Variants in REC114 observed in about 807,000 individuals in gnomAD.
REC114 encodes the protein meiotic recombination protein REC114.
REC114 carries 27 observed loss-of-function variants against 31.3 expected under a neutral mutation model. The ratio of observed to expected loss-of-function variants is 0.86; its 90% CI spans 0.64 to 1.19. REC114 has a LOEUF of 1.19. Among genes scored for constraint, REC114 ranks in the 50% most tolerant of loss-of-function variants. The pLI is 0.00. For synonymous variants in REC114, 134 were observed against 127.7 expected (o/e 1.05, Z -0.33); for missense variants, 344 against 326.9 (o/e 1.05, Z -0.40).
intron 1 of REC114, among the ~76,000 whole-genome samples, chr15:73,470,313 T>A (rs1211600130): frequency 6.6e-6 from 1 of 152,236 alleles, no homozygotes; most frequent in Non-Finnish European, 1.5e-5. Flanking sequence ...GTAAAATTTT[T>A]ATGCATTTGC....
At chr15:73,485,934 C>T (rs1893358806) in intron 2 of REC114, among the ~76,000 whole-genome samples, 1 of 152,148 alleles carries the variant, frequency 6.6e-6, no homozygotes, top group Admixed American at 6.5e-5. Flanking sequence ...TTTGTTATTT[C>T]TCTTATAAAG....
chr15:73,474,741 TGGG>T (rs916955679), intron 2 of REC114, among the ~76,000 whole-genome samples: 2 of 152,096 alleles, frequency 1.3e-5, no homozygotes, highest in East Asian at 3.9e-4. Context: ...ATCATTCTAG[TGGG>T]GGAAAAACAG....
At chr15:73,484,691 T>A (rs1442842157) in intron 2 of REC114, among the ~76,000 whole-genome samples, 13 of 152,326 alleles carry the variant, frequency 8.5e-5, no homozygotes, top group Non-Finnish European at 1.9e-4. Flanking sequence ...TAGCCTCTAT[T>A]TCCAGCCATT....
At chr15:73,494,423 T>C in intron 2 of REC114, among the ~76,000 whole-genome samples, 1 of 145,732 alleles carries the variant, frequency 6.9e-6, no homozygotes. Flanking sequence ...ACCTGGGAGG[T>C]GGAGGTTGCA....
At chr15:73,450,486 A>G (rs1277344392) in intron 1 of REC114, among the ~76,000 whole-genome samples, 2 of 152,224 alleles carry the variant, frequency 1.3e-5, no homozygotes, top group African/African-American at 2.4e-5. Context: ...TTCATAAAGC[A>G]AGTTCTTAGC....
At chr15:73,502,419 C>T (rs992691721) in intron 2 of REC114, among the ~76,000 whole-genome samples, 4 of 152,044 alleles carry the variant, frequency 2.6e-5, no homozygotes, top group African/African-American at 7.2e-5. Context: ...AATAGCCTAC[C>T]GTTGACTGCC....
chr15:73,539,973 G>GT (rs1011380831), intron 2 of REC114, among the ~76,000 whole-genome samples: 5 of 151,734 alleles, frequency 3.3e-5, no homozygotes, highest in Admixed American at 6.6e-5. Flanking sequence ...GCCTTTTTTT[G>GT]TTTTTTCAGA....
chr15:73,463,891 C>T (rs934056887), intron 1 of REC114, among the ~76,000 whole-genome samples: 3 of 146,750 alleles, frequency 2.0e-5, no homozygotes, highest in African/African-American at 7.3e-5. Context: ...CTTTTAAGAT[C>T]TTCTTCTATC....
At chr15:73,555,772 G>A (rs952763704) in intron 4 of REC114, among the ~76,000 whole-genome samples, 5 of 152,140 alleles carry the variant, frequency 3.3e-5, no homozygotes, top group Admixed American at 6.5e-5. Flanking sequence ...GATTCTTTCA[G>A]AATATCTAAA....
In REC114 at chr15:73,556,289, T is replaced by C. The variant is rs765232982; in HGVS notation, c.547-13T>C. ...TTCAGCTAGTCTCCTTATTGCATGT[T>C]GTTTTATTCCAGTCCCACCAGCACT... On this transcript the variant is annotated splice_polypyrimidine_tract_variant and intron_variant, in intron 4 of 5. Coordinates refer to ENST00000331090, the MANE Select transcript of REC114 (RefSeq NM_001042367.2). The C allele has an allele frequency of 1.1e-5, 17 of 1,609,400 alleles. 1 individual carries two copies. In the South Asian group the frequency reaches 1.9e-4, roughly 18 times the overall value.
chr15:73,517,080 C>T (rs1199115364), intron 2 of REC114, among the ~76,000 whole-genome samples: 1 of 152,210 alleles, frequency 6.6e-6, no homozygotes, highest in Admixed American at 6.5e-5. Flanking sequence ...AGACCCCTGT[C>T]TTAAGAGGTT....
intron 2 of REC114, among the ~76,000 whole-genome samples, chr15:73,536,014 C>T (rs1421435498): frequency 6.7e-6 from 1 of 149,742 alleles, no homozygotes; most frequent in Non-Finnish European, 1.5e-5. Context: ...ACACCTTATA[C>T]AAAAATCAAT....
At chr15:73,473,204 C>T (rs1352402008) in intron 1 of REC114, among the ~76,000 whole-genome samples, 1 of 152,052 alleles carries the variant, frequency 6.6e-6, no homozygotes, top group Non-Finnish European at 1.5e-5. Flanking sequence ...GCCTGACGAA[C>T]ATGGTGAAAC....
At chr15:73,451,325 A>T (rs1464233360) in intron 1 of REC114, among the ~76,000 whole-genome samples, 1 of 152,234 alleles carries the variant, frequency 6.6e-6, no homozygotes, top group Non-Finnish European at 1.5e-5. Context: ...CAGAAATGCA[A>T]ACTGCCATCA....
intron 3 of REC114, among the ~76,000 whole-genome samples, chr15:73,545,985 A>G (rs1455132795): frequency 6.6e-6 from 1 of 152,174 alleles, no homozygotes; most frequent in East Asian, 1.9e-4. Flanking sequence ...TATAGATTGA[A>G]TGTATAGGTC....
At position 73,559,974 on chromosome 15, in the gene REC114, A is replaced by AAAATT; in HGVS notation, c.*62_*66dup. On this transcript the variant is annotated 3_prime_UTR_variant, in exon 6 of 6. Transcript: ENST00000331090. ...AAAGTATTGAAAAATGCTTCCTCCT[A>AAAATT]AAATTAAAGAAGATATTAGAATAAA... 1.4e-6 allele frequency: 2 copies of AAAATT among 1,417,876 alleles called. No homozygotes were observed. Among genetic ancestry groups the AAAATT allele is most frequent in the Non-Finnish European group, 1.9e-6 (2 of 1,051,528 alleles). 87.8% of individuals were successfully genotyped at this position (1,417,876 alleles called of 1,614,324 possible).
intron 2 of REC114, among the ~76,000 whole-genome samples, chr15:73,496,274 C>A (rs1342305033): frequency 6.7e-6 from 1 of 148,558 alleles, no homozygotes; most frequent in African/African-American, 2.5e-5. Flanking sequence ...AATGCTTGAA[C>A]CCGGGAGGCA....
Position 73,503,068 on chromosome 15 carries a change from G to A in REC114, c.249+29147G>A, listed in dbSNP as rs186863390. On this transcript the variant is annotated intron_variant, in intron 2 of 5. Transcript: ENST00000331090. ...ATGGAGCTGTCATGCTTTGCTGTTG[G>A]AAATGCAAAAGGATACAGCCACTTG... is the stretch of plus-strand genomic sequence containing the variant. 4.9e-3 allele frequency among the ~76,000 whole-genome samples: 744 copies of A among 152,284 alleles called. 4 individuals are homozygous for A. Among genetic ancestry groups the A allele is most frequent in the Admixed American group, 5.8e-3 (88 of 15,290 alleles).
At position 73,560,005 on chromosome 15, in the gene REC114, T is replaced by C; in HGVS notation, c.*89T>C. The stretch of plus-strand genomic sequence containing the variant: ...AAAGAAGATATTAGAATAAAGAGTA[T>C]TATCCAAACACCTTTTATCAATGTT... On this transcript the variant is annotated 3_prime_UTR_variant, in exon 6 of 6. Transcript: ENST00000331090. The C allele has an allele frequency of 8.2e-7, 1 of 1,224,904 alleles. No homozygotes were observed. The highest frequency in any genetic ancestry group is 1.6e-5 in the African/African-American group (1 of 63,156). 75.9% of individuals were successfully genotyped at this position (1,224,904 alleles called of 1,614,324 possible). A position where few individuals can be genotyped will look rare whatever the true frequency, so the allele number is the denominator to read the frequency against.
Sources: allele counts gnomAD v4.1 joint callset (sites outside exome capture counted in the v4.1 genomes callset), GRCh38; gene constraint gnomAD v4.1.1; transcripts MANE v1.5; gene names NCBI Gene and HGNC (gene_info 2026-07-23, HGNC 2026-07-21).